ELF2: variants seen among roughly 807,000 people sequenced by gnomAD.
ELF2 encodes E74 like ETS transcription factor 2.
ELF2 carries 11 observed loss-of-function variants against 54.8 expected under a neutral mutation model. The observed-to-expected ratio is 0.20, with a 90% CI of 0.13 to 0.33. The LOEUF is 0.33. ELF2 is among the 10% of genes least tolerant of loss of function. The pLI, the probability that ELF2 is intolerant of heterozygous loss-of-function variation, is 1.00. For missense variants in ELF2, 513 were observed against 703.0 expected (o/e 0.73, Z 3.06); for synonymous variants, 203 against 245.1 (o/e 0.83, Z 1.61).
At chr4:139,132,841 C>CATATATATATATATATATATATATATAT (rs58765596) in intron 3 of ELF2, among the ~76,000 whole-genome samples, 3 of 115,050 alleles carry the variant, frequency 2.6e-5, no homozygotes, top group African/African-American at 9.5e-5. Flanking sequence ...TATTACTTTA[C>CATATATATATATATATATATATATATAT]ATATATATAT....
In ELF2 at chr4:139,135,275, GTGTGTA is replaced by G. The variant is rs1283812987; in HGVS notation, c.72+2349_72+2354del. On this transcript the variant is annotated intron_variant, in intron 3 of 9. Coordinates refer to ENST00000686138, the MANE Select transcript of ELF2 (RefSeq NM_001331036.3). ...TGTGTGTGTGTGTGTGTGTGTGTGT[GTGTGTA>G]TATATGAATGAAACATTCCTGAAAA... Among the ~76,000 whole-genome samples, 669 of 136,612 alleles carry G rather than the reference GTGTGTA, an allele frequency of 4.9e-3. 6 individuals carry two copies. The highest frequency in any genetic ancestry group is 0.033 in the East Asian group (152 of 4,656). The allele number at this position is 136,612 out of a possible 152,430, so 89.6% of individuals were successfully genotyped here. A position where few individuals can be genotyped will look rare whatever the true frequency, so the allele number is the denominator to read the frequency against.
intron 4 of ELF2, among the ~76,000 whole-genome samples, chr4:139,095,491 GA>G (rs1733162924): frequency 6.6e-6 from 1 of 152,012 alleles, no homozygotes. Context: ...GCCTGCTATA[GA>G]TTTTTAATAT....
At chr4:139,069,869 C>G (rs1220568045) in intron 6 of ELF2, among the ~76,000 whole-genome samples, 1 of 150,480 alleles carries the variant, frequency 6.6e-6, no homozygotes, top group African/African-American at 2.4e-5. Flanking sequence ...TTCTTTGAGA[C>G]AGGGTCTCAC....
chr4:139,136,752 C>T (rs1738204995), intron 3 of ELF2: 1 of 151,614 alleles, frequency 6.6e-6, no homozygotes, highest in South Asian at 2.1e-4. Context: ...GCAAGCTCCG[C>T]CTCTCGGGTT....
At chr4:139,109,925 C>A (rs1275922194) in intron 4 of ELF2, among the ~76,000 whole-genome samples, 1 of 152,142 alleles carries the variant, frequency 6.6e-6, no homozygotes, top group East Asian at 1.9e-4. Context: ...GAAGCCCAAA[C>A]CTCAGCATCA....
intron 1 of ELF2, among the ~76,000 whole-genome samples, chr4:139,165,118 C>G (rs1002210795): frequency 2.1e-5 from 3 of 144,522 alleles, no homozygotes; most frequent in African/African-American, 7.5e-5. Context: ...AAGATAATCC[C>G]TGTATTTCAT....
At chr4:139,139,203 T>C (rs983193691) in intron 2 of ELF2, among the ~76,000 whole-genome samples, 1 of 152,136 alleles carries the variant, frequency 6.6e-6, no homozygotes, top group Non-Finnish European at 1.5e-5. Flanking sequence ...ACTTCTAGAA[T>C]AGAATGAAAT....
In ELF2 at chr4:139,168,710, T is replaced by A. The variant is rs143708396; in HGVS notation, c.-252+8257A>T. On this transcript the variant is annotated intron_variant, in intron 1 of 9. Coordinates refer to ENST00000686138, the MANE Select transcript of ELF2 (RefSeq NM_001331036.3). The stretch of plus-strand genomic sequence containing the variant: ...TAACTACAAGATGATTGATCAGTGA[T>A]GCTTCCAAAGAAAGATCCCTTTTGT... Among the ~76,000 whole-genome samples the A allele has an allele frequency of 5.0e-3, 766 of 152,266 alleles. 3 individuals carry two copies. The highest frequency in any genetic ancestry group is 0.017 in the African/African-American group (720 of 41,546).
At chr4:139,133,088 A>ATTTTTTGTATT (rs1247128967) in intron 3 of ELF2, among the ~76,000 whole-genome samples, 5 of 151,594 alleles carry the variant, frequency 3.3e-5, no homozygotes, top group African/African-American at 1.2e-4. Flanking sequence ...TGCCCGGCTA[A>ATTTTTTGTATT]TTTTTTGTAT....
intron 4 of ELF2, chr4:139,114,878 G>A (rs1305264552): frequency 6.2e-7 from 1 of 1,605,570 alleles, no homozygotes; most frequent in Non-Finnish European, 8.5e-7. Context: ...CTACGAGGTT[G>A]GGGGGCAGCG....
At chr4:139,157,059 T>C (rs79428225) in intron 1 of ELF2, among the ~76,000 whole-genome samples, 2,854 of 152,280 alleles carry the variant, frequency 0.019, 91 homozygotes, top group African/African-American at 0.064. Context: ...GATTTTGTCA[T>C]TGTGCAAACC....
At chr4:139,093,937 T>A (rs1732961617) in intron 4 of ELF2, among the ~76,000 whole-genome samples, 1 of 148,342 alleles carries the variant, frequency 6.7e-6, no homozygotes, top group Non-Finnish European at 1.5e-5. Flanking sequence ...TTTAACTCAT[T>A]GCCCAGGCTG....
rs1727526097 is a variant in ELF2 at position 139,059,633 on chromosome 4, GATTAT to G, written c.1158-31_1158-27del. 2.5e-6 allele frequency: 4 copies of G among 1,585,062 alleles called. No individual in the cohort carries two copies. The South Asian group carries it at 3.4e-5, about 13-fold the overall frequency. ...CTAGTACATTAGAAAGAAAAAAGCTGATTATATTTAATGCCAACTGAGAAAATAGG... is the reference window on the plus strand; with the variant it reads ...CTAGTACATTAGAAAGAAAAAAGCTGATTTAATGCCAACTGAGAAAATAGG... On this transcript the variant is annotated intron_variant, in intron 9 of 9. Transcript: ENST00000686138.
intron 4 of ELF2, among the ~76,000 whole-genome samples, chr4:139,082,447 T>C (rs923674157): frequency 6.6e-6 from 1 of 152,228 alleles, no homozygotes; most frequent in African/African-American, 2.4e-5. Context: ...AACAGATGTG[T>C]TTTAATCACT....
At chr4:139,138,311 G>A (rs1738381532) in intron 2 of ELF2, among the ~76,000 whole-genome samples, 1 of 152,020 alleles carries the variant, frequency 6.6e-6, no homozygotes, top group South Asian at 2.1e-4. Context: ...CAGCTACTCG[G>A]GAGGCTGAGG....
chr4:139,090,870 A>G (rs1732493536), intron 4 of ELF2, among the ~76,000 whole-genome samples: 1 of 152,012 alleles, frequency 6.6e-6, no homozygotes, highest in Non-Finnish European at 1.5e-5. Flanking sequence ...AAAAACATCC[A>G]GTTTTGATGT....
chr4:139,138,411 A>C (rs928857698), intron 2 of ELF2, among the ~76,000 whole-genome samples: 1 of 146,162 alleles, frequency 6.8e-6, no homozygotes, highest in African/African-American at 2.7e-5. Context: ...GTGAGATTCC[A>C]CCTCAAAAAA....
intron 1 of ELF2, among the ~76,000 whole-genome samples, chr4:139,142,552 G>C (rs1190424722): frequency 6.6e-6 from 1 of 152,200 alleles, no homozygotes; most frequent in African/African-American, 2.4e-5. Context: ...GTTGAGAACA[G>C]ACAAGGGGAC....
chr4:139,081,186 T>C (rs1731061927), intron 4 of ELF2, among the ~76,000 whole-genome samples: 1 of 152,132 alleles, frequency 6.6e-6, no homozygotes, highest in South Asian at 2.1e-4. Flanking sequence ...TTAAAGTACG[T>C]CGAGTCTTTA....
Sources: gnomAD v4.1 joint callset for allele counts (sites outside exome capture counted in the v4.1 genomes callset) on GRCh38, gnomAD v4.1.1 for gene constraint, MANE v1.5 for transcripts, NCBI Gene and HGNC (gene_info 2026-07-23, HGNC 2026-07-21) for gene names.